The following ATAD3C variants were observed in gnomAD, a reference collection of about 807,000 sequenced individuals.
The protein encoded by ATAD3C is ATPase family AAA domain containing 3C, also known as ATPase family AAA domain-containing protein 3C.
Under a neutral mutation model 46.3 loss-of-function variants are expected in ATAD3C, and 38 were observed. The observed-to-expected ratio is 0.82, with a 90% confidence interval of 0.63 to 1.08. The LOEUF (loss-of-function observed/expected upper bound fraction) is 1.08. ATAD3C is among the 50% of genes least tolerant of loss of function. The pLI is 0.00. For synonymous variants in ATAD3C, 220 were observed against 236.4 expected (o/e 0.93, Z 0.63); for missense variants, 563 against 572.7 (o/e 0.98, Z 0.17).
In ATAD3C at chr1:1,455,871, C is replaced by G; in HGVS notation, c.519C>G (p.Ile173Met). Residue 173 changes from isoleucine (I) to methionine (M), a missense_variant, in exon 6 of 12, where the codon ATC (isoleucine) becomes ATG (methionine). Ile to Met is a conservative substitution (Grantham distance 10, BLOSUM62 1). Coordinates refer to ENST00000378785, the MANE Select transcript of ATAD3C (RefSeq NM_001039211.3). ...AGAACCGGGGCCTGTACAGGCACATCCTGCTGTACGGGCCACCAGGCACCG... is the reference window on the plus strand; with the variant it reads ...AGAACCGGGGCCTGTACAGGCACATGCTGCTGTACGGGCCACCAGGCACCG... ...IKKNRGLYRH[I>M]LLYGPPGTGK... is the part of the protein sequence containing the mutation. 6.2e-7 allele frequency: 1 copy of G among 1,613,406 alleles called. No homozygotes were observed. The highest frequency in any genetic ancestry group is 8.5e-7 in the Non-Finnish European group (1 of 1,179,690).
chr1:1,452,385 G>A lies in ATAD3C; in HGVS notation c.173G>A (p.Gly58Glu). 1.2e-6 allele frequency: 2 copies of A among 1,613,780 alleles called. No homozygotes were observed. Among genetic ancestry groups the A allele is most frequent in the Non-Finnish European group, 1.7e-6 (2 of 1,179,764 alleles). ...CACAGGGCGGCTGGCACCTTGTTTG[G>A]GGAAGGATTCCGTGCCTTTGTGACA... ...ESIRAAGTLF[G>E]EGFRAFVTDR... The change falls in exon 3 of 12, where the codon GGG becomes GAG. Residue 58 changes from glycine (G) to glutamate (E), a missense_variant. By Grantham distance (98) the Gly-to-Glu change is moderately conservative. Coordinates refer to ENST00000378785, the MANE Select transcript of ATAD3C (RefSeq NM_001039211.3).
chr1:1,458,397 C>T, intron 8 of ATAD3C, among the ~76,000 whole-genome samples: 1 of 151,910 alleles, frequency 6.6e-6, no homozygotes, highest in East Asian at 1.9e-4. Flanking sequence ...GCCTCGGCCT[C>T]CCAAGTAGCT....
Position 1,454,335 on chromosome 1 carries a change from T to C in ATAD3C, c.223-10T>C. On this transcript the variant is annotated splice_polypyrimidine_tract_variant and intron_variant, in intron 3 of 11. Coordinates refer to ENST00000378785, the MANE Select transcript of ATAD3C (RefSeq NM_001039211.3). ...GGGGCCGGTGCGCCAGTGCGGTGTC[T>C]CTGCTGCAGGTGGCTGGGCTGACGC... The C allele has an allele frequency of 1.9e-6, 3 of 1,596,272 alleles. No individual in the cohort carries two copies.
chr1:1,451,134 G>A (rs1445407468), intron 1 of ATAD3C, among the ~76,000 whole-genome samples: 2 of 151,216 alleles, frequency 1.3e-5, no homozygotes, highest in African/African-American at 2.4e-5. Flanking sequence ...TCCACCTCCC[G>A]GGTTCACACC....
chr1:1,460,930 C>T lies in ATAD3C; in HGVS notation c.980+13C>T. Reference sequence around the variant, plus strand: ...CAGAAGGAAAGCGGTAAGTGTCCCGCCCCACCAGCCCCCGTCCAGGGGCCC... The same window carrying T: ...CAGAAGGAAAGCGGTAAGTGTCCCGTCCCACCAGCCCCCGTCCAGGGGCCC... On this transcript the variant is annotated intron_variant, in intron 10 of 11. Coordinates refer to ENST00000378785, the MANE Select transcript of ATAD3C (RefSeq NM_001039211.3). 2 of 1,593,274 alleles carry T rather than the reference C, an allele frequency of 1.3e-6. No individual in the cohort carries two copies. Among genetic ancestry groups the T allele is most frequent in the South Asian group, 2.3e-5 (2 of 87,336 alleles).
At position 1,468,771 on chromosome 1, in the gene ATAD3C, T is replaced by G. The variant is rs189706153; in HGVS notation, c.*241T>G. ...GGATTTAACCACAGAGGGGTGGGCT[T>G]CACAGGAGGTGGCTGCCACGGCGGG... is the stretch of plus-strand genomic sequence containing the variant. On this transcript the variant is annotated 3_prime_UTR_variant, in exon 12 of 12. Transcript: ENST00000378785. 754 of 737,216 alleles carry G rather than the reference T, an allele frequency of 1.0e-3. 5 individuals carry two copies. The African/African-American group carries it at 0.01, about 10-fold the overall frequency. The allele number at this position is 737,216 out of a possible 1,614,324, so 45.7% of individuals were successfully genotyped here. A position where few individuals can be genotyped will look rare whatever the true frequency, so the allele number is the denominator to read the frequency against.
rs996466041 is a variant in ATAD3C, at chr1:1,460,471, C to T, written c.813-279C>T. ...AGGTAGCAGGAGGGAGTGGTGTTCC[C>T]GGCACTGCCTATCAGGCTGGGCGAC... On this transcript the variant is annotated intron_variant, in intron 9 of 11. Coordinates refer to ENST00000378785, the MANE Select transcript of ATAD3C (RefSeq NM_001039211.3). Among the ~76,000 whole-genome samples, 9 of 152,106 alleles carry T rather than the reference C, an allele frequency of 5.9e-5. No individual in the cohort carries two copies. In the South Asian group the frequency reaches 8.3e-4, roughly 14 times the overall value.
intron 10 of ATAD3C, among the ~76,000 whole-genome samples, chr1:1,461,920 T>G (rs1159922131): frequency 1.3e-5 from 2 of 151,992 alleles, no homozygotes; most frequent in African/African-American, 4.8e-5. Context: ...TTGCTGGCGG[T>G]GGGTGCAGCA....
rs760372653 is a variant in ATAD3C at position 1,468,620 on chromosome 1, C to T, written c.*90C>T. ...CCCCGCACATTTAGGAAATACTCCCCGTAATAAAGTCCCACGGGGGCCGCA... is the reference window on the plus strand; with the variant it reads ...CCCCGCACATTTAGGAAATACTCCCTGTAATAAAGTCCCACGGGGGCCGCA... On this transcript the variant is annotated 3_prime_UTR_variant, in exon 12 of 12. Transcript: ENST00000378785. 3.3e-5 allele frequency: 52 copies of T among 1,586,880 alleles called. No individual in the cohort carries two copies. The highest frequency in any genetic ancestry group is 9.0e-5 in the East Asian group (4 of 44,326).
intron 11 of ATAD3C, among the ~76,000 whole-genome samples, 168 bp from the exon 12 acceptor site, chr1:1,468,216 G>A (rs1171758345): frequency 2.0e-5 from 3 of 152,068 alleles, no homozygotes; most frequent in Non-Finnish European, 4.4e-5. Context: ...GGCTGCCCCC[G>A]GTGTCCACAC....
chr1:1,464,980 G>T (rs1043898861), intron 11 of ATAD3C, among the ~76,000 whole-genome samples: 2 of 151,466 alleles, frequency 1.3e-5, no homozygotes, highest in Non-Finnish European at 2.9e-5. Flanking sequence ...CCGCCTCCCG[G>T]GTTAAAGTGA....
In ATAD3C at chr1:1,468,676, G is replaced by A; in HGVS notation, c.*146G>A. The A allele has an allele frequency of 6.7e-7, 1 of 1,500,982 alleles. No individual in the cohort carries two copies. The highest frequency in any genetic ancestry group is 1.3e-5 in the South Asian group (1 of 79,922). The allele number at this position is 1,500,982 out of a possible 1,614,324, so 93.0% of individuals were successfully genotyped here. A position where few individuals can be genotyped will look rare whatever the true frequency, so the allele number is the denominator to read the frequency against. Reference sequence around the variant, plus strand: ...GTGTCTATTGGCTGACACGGGGCGGGGTTTGGGGCCCCCTAACGTCCCCCT... The same window carrying A: ...GTGTCTATTGGCTGACACGGGGCGGAGTTTGGGGCCCCCTAACGTCCCCCT... On this transcript the variant is annotated 3_prime_UTR_variant, in exon 12 of 12. Transcript: ENST00000378785.
rs1366200811 is a variant in ATAD3C, at chr1:1,460,862, C to T, written c.925C>T (p.Leu309=). The T allele has an allele frequency of 2.5e-6, 4 of 1,613,020 alleles. No homozygotes were observed. Among genetic ancestry groups the T allele is most frequent in the East Asian group, 4.5e-5 (2 of 44,856 alleles). ...DLPGQEERAR[L]VRMYLNEYVL... ...GCCAGGGCAGGAGGAGCGGGCGCGCCTGGTGAGAATGTATCTTAACGAGTA... is the reference window on the plus strand; with the variant it reads ...GCCAGGGCAGGAGGAGCGGGCGCGCTTGGTGAGAATGTATCTTAACGAGTA... The change falls in exon 10 of 12, where the codon CTG becomes TTG. Residue 309 remains leucine, a synonymous_variant. Transcript: ENST00000378785.
At chr1:1,457,215 G>A in intron 8 of ATAD3C, 35 bp downstream of exon 8, 1 of 1,613,054 alleles carries the variant, frequency 6.2e-7, no homozygotes, top group Non-Finnish European at 8.5e-7. Flanking sequence ...GGCCACAGGA[G>A]GGTGGTGGGG....
Position 1,454,325 on chromosome 1 carries a change from G to A in ATAD3C, c.223-20G>A, listed in dbSNP as rs747709302. The A allele has an allele frequency of 2.5e-6, 4 of 1,593,090 alleles. No homozygotes were observed. The highest frequency in any genetic ancestry group is 2.3e-5 in the East Asian group (1 of 43,482). On this transcript the variant is annotated intron_variant, in intron 3 of 11. Transcript: ENST00000378785. The stretch of plus-strand genomic sequence containing the variant: ...AGGGACGGTGGGGGCCGGTGCGCCA[G>A]TGCGGTGTCTCTGCTGCAGGTGGCT...
In ATAD3C at chr1:1,460,911, G is replaced by A; in HGVS notation, c.974G>A (p.Gly325Glu). ...NEYVLKPATE[G>E]KRRLKLAQFD... Reference sequence around the variant, plus strand: ...TATGTTCTTAAGCCGGCCACAGAAGGAAAGCGGTAAGTGTCCCGCCCCACC... The same window carrying A: ...TATGTTCTTAAGCCGGCCACAGAAGAAAAGCGGTAAGTGTCCCGCCCCACC... Residue 325 changes from glycine to glutamate, a missense_variant, in exon 10 of 12, where the codon GGA (glycine) becomes GAA (glutamate). This residue lies in a region of ATAD3C where 273 missense variants were observed against 253.5 expected (regional missense o/e 1.08). Coordinates refer to ENST00000378785, the MANE Select transcript of ATAD3C (RefSeq NM_001039211.3). 1 of 1,607,660 alleles carries A rather than the reference G, an allele frequency of 6.2e-7. No homozygotes were observed. The highest frequency in any genetic ancestry group is 1.1e-5 in the South Asian group (1 of 89,984).
chr1:1,460,886 T>C lies in ATAD3C; in HGVS notation c.949T>C (p.Tyr317His). 1 of 1,611,524 alleles carries C rather than the reference T, an allele frequency of 6.2e-7. No individual in the cohort carries two copies. Among genetic ancestry groups the C allele is most frequent in the South Asian group, 1.1e-5 (1 of 90,732 alleles). The change falls in exon 10 of 12, where the codon TAT becomes CAT. Residue 317 changes from tyrosine (Y) to histidine (H), a missense_variant. Physicochemically the swap from Tyr to His is moderately conservative, Grantham distance 83. Around this residue, in one of 3 missense-constraint regions of ATAD3C, gnomAD observed 273 missense variants for 253.5 expected, o/e 1.08. Transcript: ENST00000378785. The stretch of plus-strand genomic sequence containing the variant: ...CCTGGTGAGAATGTATCTTAACGAG[T>C]ATGTTCTTAAGCCGGCCACAGAAGG... ...ARLVRMYLNE[Y>H]VLKPATEGKR...
Position 1,468,588 on chromosome 1 carries a change from T to C in ATAD3C, c.*58T>C. On this transcript the variant is annotated 3_prime_UTR_variant, in exon 12 of 12. Transcript: ENST00000378785. ...GCCGCGGACCCCTCCCACCCCTGCC[T>C]TTGCGGCCCCGCACATTTAGGAAAT... The C allele has an allele frequency of 6.4e-7, 1 of 1,569,556 alleles. No individual in the cohort carries two copies. The highest frequency in any genetic ancestry group is 8.6e-7 in the Non-Finnish European group (1 of 1,164,346).
rs144528634 is a variant in ATAD3C at position 1,459,008 on chromosome 1, C to T, written c.742-153C>T. On this transcript the variant is annotated intron_variant, in intron 8 of 11. Transcript: ENST00000378785. This position sits in a 1 kb window ranked among gnomAD's most constrained non-coding sequence, Gnocchi z 4.9. ...AATCCAGGTTACATTCGTGAGTCAC[C>T]GCCCCTGGCCCTGGTCAGGCTTTTG... Among the ~76,000 whole-genome samples, 5,413 of 151,964 alleles carry T rather than the reference C, an allele frequency of 0.036. 187 individuals are homozygous for T. The highest frequency in any genetic ancestry group is 0.14 in the East Asian group (702 of 5,152).
Sources: allele counts gnomAD v4.1 joint callset (sites outside exome capture counted in the v4.1 genomes callset), GRCh38; gene constraint gnomAD v4.1.1; regional missense constraint gnomAD v4.1.1; non-coding constraint Gnocchi (gnomAD v3.1); transcripts MANE v1.5; gene names NCBI Gene and HGNC (gene_info 2026-07-23, HGNC 2026-07-21).